The following UBA6 variants were observed in gnomAD, a reference collection of about 807,000 sequenced individuals.
UBA6 encodes ubiquitin like modifier activating enzyme 6.
Under a neutral mutation model 148.3 loss-of-function variants are expected in UBA6, and 87 were observed. That is an observed-to-expected ratio of 0.59 (90% confidence interval 0.49 to 0.70). UBA6 has a LOEUF of 0.70. Ranked by LOEUF, UBA6 falls within the 30% of genes least tolerant of loss-of-function variation. The probability of loss-of-function intolerance (pLI) is 0.00; values close to 1 mark genes in which losing one functional copy is unlikely to be tolerated. For missense variants in UBA6, 1,186 were observed against 1,241.2 expected (o/e 0.96, Z 0.67); for synonymous variants, 376 against 401.0 (o/e 0.94, Z 0.75).
At chr4:67,686,722 C>T (rs948010193) in intron 2 of UBA6, among the ~76,000 whole-genome samples, 6 of 151,526 alleles carry the variant, frequency 4.0e-5, no homozygotes, top group African/African-American at 9.7e-5. Context: ...GAGGCTGAAG[C>T]GGGAGGATCA....
At chr4:67,689,419 C>T (rs1020375832) in intron 2 of UBA6, among the ~76,000 whole-genome samples, 1 of 152,070 alleles carries the variant, frequency 6.6e-6, no homozygotes, top group Non-Finnish European at 1.5e-5. Flanking sequence ...CAGAAAGTTA[C>T]ACTCTTTAAT....
chr4:67,652,614 G>A (rs1163512764), intron 13 of UBA6, among the ~76,000 whole-genome samples: 3 of 152,326 alleles, frequency 2.0e-5, no homozygotes, highest in Middle Eastern at 3.4e-3. Context: ...GATCGATGCA[G>A]AAGACAGGTG....
At chr4:67,662,464 GT>G (rs920297517) in intron 12 of UBA6, 3 of 391,498 alleles carry the variant, frequency 7.7e-6, no homozygotes, top group Admixed American at 4.3e-5. Flanking sequence ...AATAAGTTTA[GT>G]TTTTTTTGTT....
chr4:67,677,008 C>T (rs115897254), intron 6 of UBA6, among the ~76,000 whole-genome samples: 1,908 of 152,174 alleles, frequency 0.013, 40 homozygotes, highest in African/African-American at 0.042. Context: ...GATTGAACTA[C>T]TGATCCATGT....
intron 1 of UBA6, among the ~76,000 whole-genome samples, chr4:67,697,203 C>A (rs111573985): frequency 0.12 from 18,286 of 152,196 alleles, 1,279 homozygotes; most frequent in South Asian, 0.21. Flanking sequence ...TGGGGTTTTA[C>A]CATGTTGGCC....
chr4:67,626,532 G>T, intron 27 of UBA6, 55 bp from the exon 28 acceptor site: 2 of 1,116,274 alleles, frequency 1.8e-6, no homozygotes, highest in Non-Finnish European at 2.6e-6. Context: ...CATCTGTTTG[G>T]TTACCATTTA....
intron 13 of UBA6, among the ~76,000 whole-genome samples, chr4:67,653,762 C>G (rs1364553057): frequency 6.6e-6 from 1 of 152,104 alleles, no homozygotes; most frequent in Admixed American, 6.5e-5. Flanking sequence ...ATGTTCTAAC[C>G]CATTGCAAGG....
chr4:67,685,695 C>T (rs959781455), intron 2 of UBA6, among the ~76,000 whole-genome samples: 2 of 152,044 alleles, frequency 1.3e-5, no homozygotes, highest in African/African-American at 4.8e-5. Context: ...GCTCTACCCT[C>T]GTGAATTGAT....
At chr4:67,662,312 G>A (rs1729880815) in intron 12 of UBA6, 57 bp from the exon 13 acceptor site, 3 of 1,435,682 alleles carry the variant, frequency 2.1e-6, no homozygotes, top group Non-Finnish European at 2.9e-6. Context: ...ATAAACAGTA[G>A]GACATACTCA....
chr4:67,645,598 GA>G (rs904363943), intron 16 of UBA6, among the ~76,000 whole-genome samples: 115 of 143,586 alleles, frequency 8.0e-4, no homozygotes, highest in African/African-American at 2.0e-3. Context: ...CTTTGTCTCA[GA>G]AAAAAAAAAA....
rs748597763 is a variant in UBA6, at chr4:67,641,213, G to C, written c.1492C>G (p.Pro498Ala). 4 of 1,590,026 alleles carry C rather than the reference G, an allele frequency of 2.5e-6. No homozygotes were observed. The highest frequency in any genetic ancestry group is 2.3e-5 in the East Asian group (1 of 44,132). Residue 498 changes from proline to alanine, a missense_variant, in exon 18 of 33, where the codon CCT (proline) becomes GCT (alanine). Pro to Ala is a conservative substitution (Grantham distance 27, BLOSUM62 -1). Transcript: ENST00000322244. ...AAGTTGGATTTCTCTATCAAGTCAG[G>C]ATCTGTAACTGTAATCTAATATCAA... The part of the protein sequence containing the change: ...KEKGMITVTD[P>A]DLIEKSNLNR...
chr4:67,626,908 T>G (rs191155566), intron 27 of UBA6, among the ~76,000 whole-genome samples: 51 of 152,104 alleles, frequency 3.4e-4, no homozygotes, highest in African/African-American at 1.1e-3. Context: ...AAATCTACTT[T>G]AAACGCATGT....
Position 67,662,194 on chromosome 4 carries a change from C to T in UBA6, c.1099G>A (p.Glu367Lys). 6.2e-7 allele frequency: 1 copy of T among 1,613,568 alleles called. No individual in the cohort carries two copies. The highest frequency in any genetic ancestry group is 1.1e-5 in the South Asian group (1 of 91,070). ...CCATAAATTTCAATAGTCACCTTCT[C>T]TTCCAAGGTTTCACTTATAGATGTT... The part of the protein sequence containing the change: ...LATSISETLE[E>K]KPDVNADIVH... The change falls in exon 13 of 33, where the codon GAG becomes AAG. Residue 367 changes from glutamate (E) to lysine (K), a missense_variant. Glu to Lys is a moderately conservative substitution (Grantham distance 56). Coordinates refer to ENST00000322244, the MANE Select transcript of UBA6 (RefSeq NM_018227.6).
chr4:67,670,368 A>AT, intron 8 of UBA6, 102 bp downstream of exon 8: 2 of 983,180 alleles, frequency 2.0e-6, no homozygotes, highest in Non-Finnish European at 1.5e-6. Context: ...TGTAAAATAA[A>AT]TTTTGCACAC....
rs76726681 is a variant in UBA6 at position 67,632,106 on chromosome 4, A to G, written c.2143-198T>C. Among the ~76,000 whole-genome samples, 1,396 of 152,316 alleles carry G rather than the reference A, an allele frequency of 9.2e-3. 9 individuals carry two copies. Among genetic ancestry groups the G allele is most frequent in the Non-Finnish European group, 0.014 (950 of 68,010 alleles). Reference sequence around the variant, plus strand: ...ATTCTCCTGTCAATGTCCCTCATAAATGAAAAATTCAAATATCATTTTCTA... The same window carrying G: ...ATTCTCCTGTCAATGTCCCTCATAAGTGAAAAATTCAAATATCATTTTCTA... On this transcript the variant is annotated intron_variant, in intron 23 of 32. Transcript: ENST00000322244.
chr4:67,626,976 A>T (rs1313524638), intron 27 of UBA6, among the ~76,000 whole-genome samples: 1 of 151,980 alleles, frequency 6.6e-6, no homozygotes, highest in Non-Finnish European at 1.5e-5. Context: ...AGCAATCCAT[A>T]AGATATATAA....
At position 67,632,572 on chromosome 4, in the gene UBA6, A is replaced by G. The variant is rs554058599; in HGVS notation, c.2143-664T>C. On this transcript the variant is annotated intron_variant, in intron 23 of 32. Transcript: ENST00000322244. ...AAACGGGTCATTGATAACCATGTTA[A>G]GAACAATCTGAAGAGTAATGAGCAA... Among the ~76,000 whole-genome samples the G allele has an allele frequency of 1.5e-3, 231 of 152,388 alleles. 3 individuals carry two copies. Among genetic ancestry groups the G allele is most frequent in the African/African-American group, 3.1e-3 (129 of 41,596 alleles).
chr4:67,663,155 G>A lies in UBA6; in HGVS notation c.1021C>T (p.Arg341Cys), dbSNP rs758620502. The A allele has an allele frequency of 1.6e-5, 25 of 1,609,700 alleles. No homozygotes were observed. Among genetic ancestry groups the A allele is most frequent in the Non-Finnish European group, 2.0e-5 (23 of 1,178,316 alleles). The stretch of plus-strand genomic sequence containing the variant: ...AAACATTACCCAACATTTGGCTTGC[G>A]ACTGTATTTCTCCTGAAACTGGTCC... ...ALDQFQEKYS[R>C]KPNVGCQQDS... The change falls in exon 12 of 33, where the codon CGC becomes TGC. Residue 341 changes from arginine to cysteine, a missense_variant. By Grantham distance (180) the Arg-to-Cys change is radical. Transcript: ENST00000322244.
chr4:67,679,941 A>G (rs1730390657), intron 4 of UBA6, among the ~76,000 whole-genome samples: 1 of 152,176 alleles, frequency 6.6e-6, no homozygotes. Flanking sequence ...AGATGGAACA[A>G]TCTGAGCATC....
Sources: allele counts gnomAD v4.1 joint callset (sites outside exome capture counted in the v4.1 genomes callset), GRCh38; gene constraint gnomAD v4.1.1; transcripts MANE v1.5; gene names NCBI Gene and HGNC (gene_info 2026-07-23, HGNC 2026-07-21).